Variants in TBCK observed in about 807,000 individuals in gnomAD.
TBCK encodes the protein TBC1 domain containing kinase.
Under a neutral mutation model 113.4 loss-of-function variants are expected in TBCK, and 99 were observed. That is an observed-to-expected ratio of 0.87 (90% CI 0.74 to 1.03). The LOEUF (loss-of-function observed/expected upper bound fraction) is 1.03. Ranked by LOEUF, TBCK falls within the 50% of genes least tolerant of loss-of-function variation. TBCK has a pLI of 0.00. For missense variants in TBCK, 1,045 were observed against 1,061.3 expected, an observed-to-expected ratio of 0.98 and a Z score of 0.21; for synonymous variants, 369 against 370.8, an observed-to-expected ratio of 1.00 and a Z score of 0.05.
At position 106,272,251 on chromosome 4, in the gene TBCK, A is replaced by G. The variant is rs548852661; in HGVS notation, c.267-10039T>C. Among the ~76,000 whole-genome samples, 9 of 152,306 alleles carry G rather than the reference A, an allele frequency of 5.9e-5. No homozygotes were observed. In the East Asian group the frequency reaches 9.6e-4, roughly 16 times the overall value. ...ATAACCGCCAGTACAGCTATGTGGT[A>G]AAGTTTAAATATAACATGCTTATAG... On this transcript the variant is annotated intron_variant, in intron 3 of 25. Transcript: ENST00000394708.
chr4:106,117,723 C>A (rs1289480603), intron 23 of TBCK, among the ~76,000 whole-genome samples: 1 of 152,064 alleles, frequency 6.6e-6, no homozygotes, highest in Non-Finnish European at 1.5e-5. Flanking sequence ...AATTTAAACA[C>A]TTTAGGCTGG....
In TBCK at chr4:106,248,290, A is replaced by C; in HGVS notation, c.737T>G (p.Val246Gly). The change falls in exon 9 of 26, where the codon GTG becomes GGG. Residue 246 changes from valine to glycine, a missense_variant. Coordinates refer to ENST00000394708, the MANE Select transcript of TBCK (RefSeq NM_001163435.3). Reference protein sequence around the residue: ...LDIIKELPETVIDLLNKCLTF... With the variant: ...LDIIKELPETGIDLLNKCLTF... ...AAGGCACTTATTCAAAAGATCTATCACAGTTTCAGGAAGCTCCTGGTAAAT... is the reference window on the plus strand; with the variant it reads ...AAGGCACTTATTCAAAAGATCTATCCCAGTTTCAGGAAGCTCCTGGTAAAT... The C allele has an allele frequency of 6.3e-7, 1 of 1,592,046 alleles. No individual in the cohort carries two copies. The highest frequency in any genetic ancestry group is 8.6e-7 in the Non-Finnish European group (1 of 1,169,060).
At chr4:106,085,187 G>C (rs146876489) in intron 25 of TBCK, among the ~76,000 whole-genome samples, 10 of 152,240 alleles carry the variant, frequency 6.6e-5, no homozygotes, top group African/African-American at 2.2e-4. Flanking sequence ...TTGGTGTGCT[G>C]TATTCAGGAG....
intron 20 of TBCK, among the ~76,000 whole-genome samples, chr4:106,206,482 G>T (rs1454338885): frequency 1.3e-5 from 2 of 152,282 alleles, no homozygotes; most frequent in East Asian, 3.9e-4. Flanking sequence ...GTAGAATGGG[G>T]TTTGTACTAA....
intron 22 of TBCK, among the ~76,000 whole-genome samples, chr4:106,192,916 G>T (rs1235742996): frequency 6.6e-6 from 1 of 152,048 alleles, no homozygotes; most frequent in Non-Finnish European, 1.5e-5. Flanking sequence ...GTACTGTGAA[G>T]TTTTTTCACC....
At chr4:106,090,267 G>A (rs1467230802) in intron 25 of TBCK, among the ~76,000 whole-genome samples, 2 of 152,166 alleles carry the variant, frequency 1.3e-5, no homozygotes, top group East Asian at 3.9e-4. Context: ...CTTTACCTTG[G>A]CCCAGTTAAG....
intron 25 of TBCK, among the ~76,000 whole-genome samples, chr4:106,090,123 C>T (rs1166420120): frequency 2.0e-5 from 3 of 152,238 alleles, no homozygotes; most frequent in Non-Finnish European, 4.4e-5. Flanking sequence ...TCCAGACTTC[C>T]CCACACGTGC....
intron 23 of TBCK, among the ~76,000 whole-genome samples, chr4:106,124,422 C>G (rs572837409): frequency 6.6e-6 from 1 of 152,156 alleles, no homozygotes; most frequent in South Asian, 2.1e-4. Flanking sequence ...ACTAGTTCAA[C>G]CATTGTGGAA....
chr4:106,217,577 GACAA>G (rs1238651899), intron 19 of TBCK, among the ~76,000 whole-genome samples: 4 of 151,764 alleles, frequency 2.6e-5, no homozygotes, highest in South Asian at 4.2e-4. Flanking sequence ...ACCAACAACA[GACAA>G]ACAGAGAGCC....
At chr4:106,311,751 T>G (rs1768218509) in intron 1 of TBCK, among the ~76,000 whole-genome samples, 1 of 152,112 alleles carries the variant, frequency 6.6e-6, no homozygotes. Flanking sequence ...ATGTGTGTGT[T>G]AATACCACAT....
At chr4:106,244,526 T>G in intron 11 of TBCK, 100 bp downstream of exon 11, 1 of 1,028,810 alleles carries the variant, frequency 9.7e-7, no homozygotes, top group South Asian at 2.8e-5. Flanking sequence ...AAACAACCAA[T>G]TTAAAAAAAA....
intron 19 of TBCK, among the ~76,000 whole-genome samples, chr4:106,221,203 T>A (rs1757637457): frequency 6.6e-6 from 1 of 152,306 alleles, no homozygotes; most frequent in African/African-American, 2.4e-5. Context: ...CAGGCTGGTC[T>A]CGAACTCCTG....
intron 23 of TBCK, among the ~76,000 whole-genome samples, chr4:106,120,856 A>C (rs1382911484): frequency 1.3e-5 from 2 of 152,106 alleles, no homozygotes; most frequent in African/African-American, 4.8e-5. Context: ...TAAAACCACA[A>C]AGATGGGAAA....
chr4:106,255,052 A>G (rs890337454), intron 5 of TBCK: 6 of 344,554 alleles, frequency 1.7e-5, no homozygotes, highest in Non-Finnish European at 3.5e-5. Context: ...CACATACTGA[A>G]TTTTTATTGA....
chr4:106,068,029 A>T (rs1483682722), intron 25 of TBCK, among the ~76,000 whole-genome samples: 2 of 152,076 alleles, frequency 1.3e-5, no homozygotes, highest in African/African-American at 2.4e-5. Context: ...TGCAATTGGG[A>T]TTTTTATAGG....
intron 23 of TBCK, among the ~76,000 whole-genome samples, chr4:106,132,705 C>A (rs1037906821): frequency 1.3e-5 from 2 of 152,198 alleles, no homozygotes; most frequent in African/African-American, 4.8e-5. Flanking sequence ...TGGGGCTGTA[C>A]CCTACAATGC....
chr4:106,238,079 G>C (rs572248015), intron 12 of TBCK, among the ~76,000 whole-genome samples: 1 of 152,006 alleles, frequency 6.6e-6, no homozygotes, highest in Non-Finnish European at 1.5e-5. Flanking sequence ...TAAAGGAATT[G>C]AGACATTTAG....
chr4:106,260,743 T>C (rs1027900780), intron 4 of TBCK, among the ~76,000 whole-genome samples: 2 of 151,994 alleles, frequency 1.3e-5, no homozygotes, highest in Admixed American at 1.3e-4. Context: ...TACACATATA[T>C]ATCTCAAAAT....
At chr4:106,194,933 A>C (rs1754049203) in intron 20 of TBCK, among the ~76,000 whole-genome samples, 179 bp from the exon 21 acceptor site, 1 of 152,148 alleles carries the variant, frequency 6.6e-6, no homozygotes. Context: ...TAAATGTTTT[A>C]AGTTCGGCCT....
Sources: allele counts gnomAD v4.1 joint callset (sites outside exome capture counted in the v4.1 genomes callset), GRCh38; gene constraint gnomAD v4.1.1; transcripts MANE v1.5; gene names NCBI Gene and HGNC (gene_info 2026-07-23, HGNC 2026-07-21).